Variants in BANK1 observed in about 807,000 individuals in gnomAD.
The protein encoded by BANK1 is B cell scaffold protein with ankyrin repeats 1, also known as B-cell scaffold protein with ankyrin repeats.
A neutral mutation model predicts 94.5 loss-of-function variants in BANK1; 95 were observed. That is an observed-to-expected ratio of 1.00 (90% CI 0.85 to 1.19). BANK1 has a LOEUF of 1.19. Among genes scored for constraint, BANK1 ranks in the 50% most tolerant of loss-of-function variants. BANK1 has a pLI of 0.00. For missense variants in BANK1, 987 were observed against 932.2 expected (o/e 1.06, Z -0.77); for synonymous variants, 334 against 308.4 (o/e 1.08, Z -0.87).
At chr4:101,888,515 A>G (rs907211494) in intron 5 of BANK1, among the ~76,000 whole-genome samples, 4 of 152,140 alleles carry the variant, frequency 2.6e-5, no homozygotes, top group Non-Finnish European at 5.9e-5. Flanking sequence ...CTTAAATACT[A>G]TTTCAGATTT....
intron 1 of BANK1, among the ~76,000 whole-genome samples, chr4:101,817,035 A>C (rs1284414220): frequency 6.6e-6 from 1 of 152,162 alleles, no homozygotes; most frequent in African/African-American, 2.4e-5. Flanking sequence ...TGTAGTGTGC[A>C]TTGCAGCCTG....
intron 7 of BANK1, among the ~76,000 whole-genome samples, chr4:101,939,945 A>C (rs1403024948): frequency 6.6e-6 from 1 of 151,890 alleles, no homozygotes; most frequent in South Asian, 2.1e-4. Flanking sequence ...GTGCTATTCA[A>C]ATATCTTCTA....
chr4:101,997,173 G>A (rs189819774), intron 7 of BANK1, among the ~76,000 whole-genome samples: 90 of 152,032 alleles, frequency 5.9e-4, no homozygotes, highest in East Asian at 1.7e-3. Flanking sequence ...TCCTTTCTGC[G>A]TCTATTGAGA....
chr4:101,987,439 GC>G (rs1321543431), intron 7 of BANK1, among the ~76,000 whole-genome samples: 1 of 152,036 alleles, frequency 6.6e-6, no homozygotes, highest in African/African-American at 2.4e-5. Context: ...TTCAAACCCA[GC>G]CTTGATGGCT....
At chr4:101,855,806 A>AT (rs1325873920) in intron 3 of BANK1, among the ~76,000 whole-genome samples, 1 of 152,222 alleles carries the variant, frequency 6.6e-6, no homozygotes, top group Non-Finnish European at 1.5e-5. Context: ...TGGAAATACC[A>AT]TAAAAGTTAG....
intron 7 of BANK1, among the ~76,000 whole-genome samples, chr4:101,961,837 T>C (rs541745566): frequency 7.9e-5 from 12 of 152,090 alleles, no homozygotes; most frequent in Non-Finnish European, 1.8e-4. Context: ...TCCAATGGGG[T>C]CCCTTAAGGA....
At chr4:101,879,602 C>G (rs545856903) in intron 5 of BANK1, among the ~76,000 whole-genome samples, 1 of 151,940 alleles carries the variant, frequency 6.6e-6, no homozygotes, top group East Asian at 1.9e-4. Context: ...TCTACGAGCC[C>G]TGTATTACCC....
intron 7 of BANK1, among the ~76,000 whole-genome samples, chr4:101,988,475 TTC>T (rs1042978942): frequency 1.6e-4 from 25 of 152,324 alleles, no homozygotes; most frequent in African/African-American, 6.0e-4. Context: ...TTGTTCACTC[TTC>T]TCTTTTATTT....
intron 4 of BANK1, among the ~76,000 whole-genome samples, chr4:101,864,464 G>A (rs1727994932): frequency 6.6e-6 from 1 of 152,162 alleles, no homozygotes; most frequent in South Asian, 2.1e-4. Flanking sequence ...AATGGTTTTA[G>A]CTCGAACAGT....
chr4:101,970,157 T>G (rs1475833080), intron 7 of BANK1, among the ~76,000 whole-genome samples: 1 of 152,138 alleles, frequency 6.6e-6, no homozygotes, highest in African/African-American at 2.4e-5. Flanking sequence ...AACTTTTTAT[T>G]GAATTCCTTC....
At chr4:102,068,683 C>G (rs1056907003) in intron 13 of BANK1, among the ~76,000 whole-genome samples, 2 of 151,914 alleles carry the variant, frequency 1.3e-5, no homozygotes, top group African/African-American at 4.8e-5. Context: ...AAAAAATTAG[C>G]GAGGCGTGGT....
At chr4:102,002,340 T>C (rs990902724) in intron 7 of BANK1, among the ~76,000 whole-genome samples, 1 of 151,994 alleles carries the variant, frequency 6.6e-6, no homozygotes, top group Non-Finnish European at 1.5e-5. Flanking sequence ...TTAATCTCTT[T>C]GTAAGTCAGT....
chr4:101,851,556 G>A (rs1727477280), intron 2 of BANK1, among the ~76,000 whole-genome samples: 1 of 152,120 alleles, frequency 6.6e-6, no homozygotes, highest in Non-Finnish European at 1.5e-5. Flanking sequence ...GAGAGGGGAA[G>A]GATAATCTTG....
intron 1 of BANK1, among the ~76,000 whole-genome samples, chr4:101,818,877 T>G (rs927091447): frequency 6.6e-6 from 1 of 151,646 alleles, no homozygotes; most frequent in Middle Eastern, 3.4e-3. Context: ...ACTGTATTTT[T>G]TTTTTTTTTT....
intron 1 of BANK1, among the ~76,000 whole-genome samples, chr4:101,825,350 C>G (rs991455497): frequency 6.6e-6 from 1 of 152,062 alleles, no homozygotes; most frequent in Non-Finnish European, 1.5e-5. Context: ...CACTGGGCTA[C>G]TTTTGAGAAT....
intron 9 of BANK1, among the ~76,000 whole-genome samples, chr4:102,027,850 C>T (rs539505220): frequency 6.6e-6 from 1 of 152,234 alleles, no homozygotes; most frequent in African/African-American, 2.4e-5. Flanking sequence ...TCGGATCCCT[C>T]CTTGACTCAG....
intron 7 of BANK1, among the ~76,000 whole-genome samples, chr4:101,982,630 TCATAA>T (rs1232051633): frequency 6.6e-6 from 1 of 151,988 alleles, no homozygotes; most frequent in Admixed American, 6.6e-5. Context: ...ACTATAACAC[TCATAA>T]CATATACAGC....
At chr4:101,833,585 G>A (rs1053753942) in intron 2 of BANK1, among the ~76,000 whole-genome samples, 10 of 152,056 alleles carry the variant, frequency 6.6e-5, no homozygotes, top group South Asian at 2.1e-4. Flanking sequence ...TAAGTTTGCC[G>A]GCTCTTTTTT....
At chr4:102,041,724 G>C (rs952073399) in intron 10 of BANK1, among the ~76,000 whole-genome samples, 1 of 151,904 alleles carries the variant, frequency 6.6e-6, no homozygotes, top group Non-Finnish European at 1.5e-5. Context: ...CCAATATTCT[G>C]CCCTTGTCCC....
Sources: allele counts gnomAD v4.1 joint callset (sites outside exome capture counted in the v4.1 genomes callset), GRCh38; gene constraint gnomAD v4.1.1; transcripts MANE v1.5; gene names NCBI Gene and HGNC (gene_info 2026-07-23, HGNC 2026-07-21).